MFSD11: variants seen among roughly 807,000 people sequenced by gnomAD.
MFSD11 encodes the protein UNC93-like protein MFSD11.
In MFSD11, 36 loss-of-function variants were observed where a neutral mutation model predicts 53.5. The ratio of observed to expected loss-of-function variants is 0.67; its 90% CI spans 0.52 to 0.89. The LOEUF (loss-of-function observed/expected upper bound fraction) is 0.89, where lower values mean the gene tolerates loss of function less well. Among genes scored for constraint, MFSD11 ranks in the 40% least tolerant of loss-of-function variants. MFSD11 has a pLI of 0.00. For missense variants in MFSD11, 530 were observed against 543.9 expected, an observed-to-expected ratio of 0.97 and a Z score of 0.25; for synonymous variants, 186 against 184.9, an observed-to-expected ratio of 1.01 and a Z score of -0.05.
At chr17:76,789,991 CTTGT>C in the MFSD11 span, among the ~76,000 whole-genome samples, 7 of 149,774 alleles carry the variant, frequency 4.7e-5, 2 homozygotes, top group Non-Finnish European at 8.9e-5. Context: ...ATTACTTTGG[CTTGT>C]TTGTTTGGGT....
chr17:76,780,716 A>G (rs1274475721), downstream of MFSD11, among the ~76,000 whole-genome samples: 1 of 151,660 alleles, frequency 6.6e-6, no homozygotes, highest in Non-Finnish European at 1.5e-5. Context: ...GGGTTTCACC[A>G]TGTTGGTCAG....
chr17:76,774,673 C>A (rs1474428176), intron 10 of MFSD11, among the ~76,000 whole-genome samples: 1 of 152,144 alleles, frequency 6.6e-6, no homozygotes, highest in South Asian at 2.1e-4. Flanking sequence ...AAAACGTGGT[C>A]ATAATGACAA....
intron 12 of MFSD11, among the ~76,000 whole-genome samples, 194 bp from the exon 13 acceptor site, chr17:76,777,994 A>G (rs972599634): frequency 6.6e-6 from 1 of 152,282 alleles, no homozygotes; most frequent in East Asian, 1.9e-4. Flanking sequence ...TTTAAATACC[A>G]GGAACTGTGG....
chr17:76,774,653 G>T (rs1403697062), intron 10 of MFSD11, among the ~76,000 whole-genome samples: 1 of 152,152 alleles, frequency 6.6e-6, no homozygotes, highest in South Asian at 2.1e-4. Context: ...GTTTGGCTAT[G>T]ATTGCAACAA....
downstream of MFSD11, among the ~76,000 whole-genome samples, chr17:76,781,949 G>A (rs934596370): frequency 1.3e-5 from 2 of 151,570 alleles, no homozygotes; most frequent in Non-Finnish European, 2.9e-5. Context: ...AGTCTCCCAA[G>A]TAGCTAGGAC....
rs749244846 is a variant in MFSD11, at chr17:76,776,424, C to T, written c.1068C>T (p.Leu356=). ...YIKSSKEVAI[L]CSFLLGLGDS... ...TCTTCAGCAAAGAAGTTGCCATTCT[C>T]TGCAGTTTTCTGTTGGGCCTTGGAG... The change falls in exon 12 of 13, where the codon CTC becomes CTT. Residue 356 remains leucine (L), a synonymous_variant. Coordinates refer to ENST00000685175, the MANE Select transcript of MFSD11 (RefSeq NM_001242532.5). The surrounding 1 kb of genome is among the most constrained non-coding windows in gnomAD (Gnocchi z 4.2). 6.2e-7 allele frequency: 1 copy of T among 1,613,760 alleles called. No homozygotes were observed. The highest frequency in any genetic ancestry group is 1.7e-5 in the Admixed American group (1 of 59,940).
At chr17:76,757,925 G>A (rs575121553) in intron 8 of MFSD11, among the ~76,000 whole-genome samples, 2 of 152,146 alleles carry the variant, frequency 1.3e-5, no homozygotes, top group South Asian at 4.1e-4. Context: ...GCAGAGAATT[G>A]CTTGAACCCA....
the MFSD11 span, among the ~76,000 whole-genome samples, chr17:76,788,306 T>G: frequency 1.3e-5 from 2 of 149,070 alleles, no homozygotes. Flanking sequence ...CCTCCCAACA[T>G]GCTAGGATTA....
At chr17:76,746,215 C>A (rs1024124719) in intron 7 of MFSD11, among the ~76,000 whole-genome samples, 1 of 152,192 alleles carries the variant, frequency 6.6e-6, no homozygotes, top group South Asian at 2.1e-4. Flanking sequence ...TTCTCTGAAG[C>A]CTAATCCAGA....
upstream of MFSD11, chr17:76,737,676 G>C (rs1004725697): frequency 1.1e-5 from 2 of 182,066 alleles, no homozygotes; most frequent in South Asian, 3.3e-4. Flanking sequence ...CCAAGTTCAC[G>C]CCCCTTTTTT....
the MFSD11 span, among the ~76,000 whole-genome samples, chr17:76,790,490 C>T: frequency 5.2e-3 from 770 of 146,922 alleles, 48 homozygotes; most frequent in African/African-American, 0.018. Context: ...TACAGGTGCG[C>T]GCCACCATAC....
chr17:76,774,960 G>A (rs1422215412), intron 10 of MFSD11, 37 bp from the exon 11 acceptor site: 47 of 1,594,336 alleles, frequency 2.9e-5, no homozygotes, highest in Non-Finnish European at 3.8e-5. Context: ...TGATGTTTCG[G>A]CAACATTAGT....
chr17:76,773,170 TG>T (rs2081521812), intron 10 of MFSD11: 2 of 152,438 alleles, frequency 1.3e-5, no homozygotes, highest in Admixed American at 6.5e-5. Flanking sequence ...TGTTTTTCTG[TG>T]TAGCTTTCCT....
intron 8 of MFSD11, among the ~76,000 whole-genome samples, chr17:76,763,198 A>G (rs751236738): frequency 1.3e-4 from 19 of 151,768 alleles, no homozygotes; most frequent in Non-Finnish European, 1.9e-4. Flanking sequence ...ACCACTTTAC[A>G]TTTCTACTAG....
downstream of MFSD11, among the ~76,000 whole-genome samples, chr17:76,783,963 A>G (rs918609016): frequency 6.6e-6 from 1 of 151,912 alleles, no homozygotes; most frequent in Non-Finnish European, 1.5e-5. Context: ...TACCCAGAAA[A>G]AAAAAAAAAG....
chr17:76,776,589 T>C lies in MFSD11; in HGVS notation c.1185+48T>C. ...GTGTTTGACATAGGGCTCTTCCCTT[T>C]GTGTATTGCCTTGTTTTCCTTGGTT... On this transcript the variant is annotated intron_variant, in intron 12 of 12. Transcript: ENST00000685175. This position sits in a 1 kb window ranked among gnomAD's most constrained non-coding sequence, Gnocchi z 4.2. 1 of 1,560,572 alleles carries C rather than the reference T, an allele frequency of 6.4e-7. No homozygotes were observed.
intron 8 of MFSD11, among the ~76,000 whole-genome samples, chr17:76,755,812 A>ATTTTTTT (rs552254902): frequency 5.1e-5 from 1 of 19,518 alleles, no homozygotes; most frequent in African/African-American, 1.6e-4. Flanking sequence ...ATATATATAT[A>ATTTTTTT]TTTTTTTTTT....
chr17:76,758,326 T>C (rs1424226916), intron 8 of MFSD11, among the ~76,000 whole-genome samples: 1 of 151,988 alleles, frequency 6.6e-6, no homozygotes, highest in African/African-American at 2.4e-5. Flanking sequence ...ATGCCTGTAA[T>C]ACCAGCACTT....
chr17:76,742,940 G>A (rs142161764), intron 5 of MFSD11, among the ~76,000 whole-genome samples: 7 of 152,298 alleles, frequency 4.6e-5, no homozygotes, highest in African/African-American at 1.7e-4. Context: ...AAATGCAAAT[G>A]TTACATTTTA....
Sources: gnomAD v4.1 joint callset for allele counts (sites outside exome capture counted in the v4.1 genomes callset) on GRCh38, gnomAD v4.1.1 for gene constraint, Gnocchi (gnomAD v3.1) non-coding constraint, MANE v1.5 for transcripts, NCBI Gene and HGNC (gene_info 2026-07-23, HGNC 2026-07-21) for gene names.